The following STK10 variants were observed in gnomAD, a reference collection of about 807,000 sequenced individuals.
STK10 encodes serine/threonine kinase 10.
In STK10, 78 loss-of-function variants were observed where a neutral mutation model predicts 113.8. The ratio of observed to expected loss-of-function variants is 0.69; its 90% CI spans 0.57 to 0.83. STK10 has a LOEUF of 0.83. STK10 is among the 40% of genes least tolerant of loss of function. The pLI, the probability that STK10 is intolerant of heterozygous loss-of-function variation, is 0.00. For synonymous variants in STK10, 465 were observed against 494.7 expected (o/e 0.94, Z 0.80); for missense variants, 1,109 against 1,280.1 (o/e 0.87, Z 2.04).
rs190935572 is a variant in STK10, at chr5:172,155,963, C to T, written c.321+661G>A. Among the ~76,000 whole-genome samples, 199 of 152,054 alleles carry T rather than the reference C, an allele frequency of 1.3e-3. 1 individual carries two copies. The highest frequency in any genetic ancestry group is 4.6e-3 in the African/African-American group (190 of 41,472). ...TGAGCCAAGATCACACCACTGCATTCCAGCCTGGGCAACAGAACGAGGCTC... is the reference window on the plus strand; with the variant it reads ...TGAGCCAAGATCACACCACTGCATTTCAGCCTGGGCAACAGAACGAGGCTC... On this transcript the variant is annotated intron_variant, in intron 2 of 18. Coordinates refer to ENST00000176763, the MANE Select transcript of STK10 (RefSeq NM_005990.4).
At chr5:172,128,039 C>T (rs1769662506) in intron 2 of STK10, among the ~76,000 whole-genome samples, 1 of 152,170 alleles carries the variant, frequency 6.6e-6, no homozygotes, top group African/African-American at 2.4e-5. Flanking sequence ...ATTCATCATA[C>T]ACCTACTCCA....
chr5:172,155,636 A>C (rs900773685), intron 2 of STK10, among the ~76,000 whole-genome samples: 1 of 152,170 alleles, frequency 6.6e-6, no homozygotes, highest in African/African-American at 2.4e-5. Flanking sequence ...GAAATAGCCT[A>C]AATGCCCAAC....
intron 7 of STK10, among the ~76,000 whole-genome samples, chr5:172,096,852 A>T (rs1768866564): frequency 6.6e-6 from 1 of 152,204 alleles, no homozygotes; most frequent in Admixed American, 6.5e-5. Context: ...ACCCACAGGG[A>T]GGTCATGCGG....
intron 7 of STK10, among the ~76,000 whole-genome samples, chr5:172,099,034 T>C: frequency 7.3e-6 from 1 of 136,884 alleles, no homozygotes; most frequent in East Asian, 2.1e-4. Context: ...CACCATCACC[T>C]TCACCACCAT....
At chr5:172,117,661 A>G in intron 3 of STK10, 31 bp from the exon 4 acceptor site, 2 of 1,613,212 alleles carry the variant, frequency 1.2e-6, no homozygotes, top group Non-Finnish European at 1.7e-6. Context: ...CTGTCAATTC[A>G]GTAAGCCCTG....
At chr5:172,104,072 G>C (rs6886967) in intron 7 of STK10, among the ~76,000 whole-genome samples, 1 of 152,236 alleles carries the variant, frequency 6.6e-6, no homozygotes, top group African/African-American at 2.4e-5. Flanking sequence ...CAGGCCCAGT[G>C]CATGGCACAC....
At position 172,143,794 on chromosome 5, in the gene STK10, C is replaced by T. The variant is rs1166291992; in HGVS notation, c.321+12830G>A. On this transcript the variant is annotated intron_variant, in intron 2 of 18. Coordinates refer to ENST00000176763, the MANE Select transcript of STK10 (RefSeq NM_005990.4). ...TACATCTAAAAAAATTCCCTTCATA[C>T]GATCCAATATCAAAGCCCGGGACCT... Among the ~76,000 whole-genome samples the T allele has an allele frequency of 9.8e-5, 15 of 152,326 alleles. No homozygotes were observed. The South Asian group carries it at 2.7e-3, about 27-fold the overall frequency.
intron 6 of STK10, 25 bp downstream of exon 6, chr5:172,106,595 A>G: frequency 6.2e-7 from 1 of 1,603,656 alleles, no homozygotes; most frequent in East Asian, 2.2e-5. Flanking sequence ...GCACCCCGGC[A>G]GGTGGCCCTG....
intron 2 of STK10, 36 bp downstream of exon 2, chr5:172,156,588 G>C (rs764245536): frequency 6.3e-7 from 1 of 1,593,000 alleles, no homozygotes; most frequent in Non-Finnish European, 8.6e-7. Context: ...CCAGGCCATG[G>C]GGGCTGAGCT....
At chr5:172,159,307 G>A (rs1412003230) in intron 1 of STK10, among the ~76,000 whole-genome samples, 4 of 152,186 alleles carry the variant, frequency 2.6e-5, no homozygotes, top group Non-Finnish European at 4.4e-5. Context: ...GGGAATCCGA[G>A]GCGGGTGGCT....
At chr5:172,081,388 C>G (rs1187963726) in intron 12 of STK10, among the ~76,000 whole-genome samples, 1 of 148,698 alleles carries the variant, frequency 6.7e-6, no homozygotes, top group Non-Finnish European at 1.5e-5. Flanking sequence ...GCTAAATCTA[C>G]TCTGCTTGTG....
Position 172,087,721 on chromosome 5 carries a change from C to T in STK10, c.1685+2511G>A, listed in dbSNP as rs1355378749. Among the ~76,000 whole-genome samples the T allele has an allele frequency of 1.2e-4, 16 of 134,256 alleles. 2 individuals carry two copies. The East Asian group carries it at 1.6e-3, about 13-fold the overall frequency. 88.1% of individuals were successfully genotyped at this position (134,256 alleles called of 152,430 possible). On this transcript the variant is annotated intron_variant, in intron 10 of 18. Coordinates refer to ENST00000176763, the MANE Select transcript of STK10 (RefSeq NM_005990.4). ...TCGGCTCACTGCAAGCTCCGCCTCC[C>T]GGGTTCACGCCATTCTCCTGCCTCA...
chr5:172,080,943 G>C (rs192664731), intron 12 of STK10, among the ~76,000 whole-genome samples: 5 of 152,286 alleles, frequency 3.3e-5, no homozygotes, highest in Admixed American at 6.5e-5. Flanking sequence ...AGAAGTCAAT[G>C]CCTGGCTTCA....
intron 4 of STK10, 40 bp from the exon 5 acceptor site, chr5:172,107,892 C>T (rs763310090): frequency 6.2e-7 from 1 of 1,600,562 alleles, no homozygotes; most frequent in South Asian, 1.1e-5. Context: ...CCACCCATAG[C>T]CCTGGGGTAA....
intron 3 of STK10, among the ~76,000 whole-genome samples, chr5:172,126,429 T>A (rs538937794): frequency 6.6e-6 from 1 of 152,216 alleles, no homozygotes; most frequent in South Asian, 2.1e-4. Context: ...CCGGGCATGG[T>A]CGTGGGCACC....
chr5:172,045,396 C>T, intron 18 of STK10: 1 of 478,432 alleles, frequency 2.1e-6, no homozygotes, highest in Non-Finnish European at 4.1e-6. Context: ...GCAGAGATGT[C>T]AGAAGTTTTT....
At chr5:172,143,340 AAGCAACACAGCAAGAC>A in intron 2 of STK10, among the ~76,000 whole-genome samples, 1 of 152,138 alleles carries the variant, frequency 6.6e-6, no homozygotes. Context: ...ACTCCAGGCT[AAGCAACACAGCAAGAC>A]ACTGTCTCAA....
intron 2 of STK10, among the ~76,000 whole-genome samples, chr5:172,140,655 C>T (rs1769954700): frequency 6.6e-6 from 1 of 152,106 alleles, no homozygotes; most frequent in African/African-American, 2.4e-5. Flanking sequence ...CAAGATTGTG[C>T]CACTGCACTC....
chr5:172,098,255 C>T (rs750035641), intron 7 of STK10, among the ~76,000 whole-genome samples: 1 of 152,138 alleles, frequency 6.6e-6, no homozygotes, highest in Non-Finnish European at 1.5e-5. Context: ...TTTGGCCGGG[C>T]GCGGTGGCTC....
Sources: gnomAD v4.1 joint callset for allele counts (sites outside exome capture counted in the v4.1 genomes callset) on GRCh38, gnomAD v4.1.1 for gene constraint, MANE v1.5 for transcripts, NCBI Gene and HGNC (gene_info 2026-07-23, HGNC 2026-07-21) for gene names.